The following PRKAR1B variants were observed in gnomAD, a reference collection of about 807,000 sequenced individuals.
PRKAR1B encodes protein kinase cAMP-dependent type I regulatory subunit beta.
PRKAR1B carries 22 observed loss-of-function variants against 46.5 expected under a neutral mutation model. The ratio of observed to expected loss-of-function variants is 0.47; its 90% CI spans 0.34 to 0.68. The LOEUF is 0.68. PRKAR1B is among the 30% of genes least tolerant of loss of function. PRKAR1B has a pLI of 0.01. For synonymous variants in PRKAR1B, 259 were observed against 217.7 expected (o/e 1.19, Z -1.67); for missense variants, 445 against 535.6 (o/e 0.83, Z 1.67).
intron 4 of PRKAR1B, among the ~76,000 whole-genome samples, chr7:613,422 A>G (rs1476130955): frequency 2.0e-5 from 3 of 152,154 alleles, no homozygotes; most frequent in African/African-American, 7.2e-5. Context: ...CAAAATGTAG[A>G]CTTTAAAACA....
At chr7:678,034 G>T (rs1778433326) in intron 3 of PRKAR1B, among the ~76,000 whole-genome samples, 1 of 152,178 alleles carries the variant, frequency 6.6e-6, no homozygotes, top group South Asian at 2.1e-4. Flanking sequence ...ACTTTGAGAG[G>T]CCGAGGCAGG....
chr7:624,501 G>A (rs995967525), intron 4 of PRKAR1B, among the ~76,000 whole-genome samples: 7 of 152,100 alleles, frequency 4.6e-5, no homozygotes, highest in Non-Finnish European at 7.4e-5. Context: ...CTCTATAGAA[G>A]CAATTTTTAA....
intron 4 of PRKAR1B, among the ~76,000 whole-genome samples, chr7:627,099 T>C (rs1366239720): frequency 6.6e-6 from 1 of 152,198 alleles, no homozygotes; most frequent in Admixed American, 6.5e-5. Flanking sequence ...GGTCTCAATC[T>C]CTTGACCTCG....
At chr7:680,177 A>G (rs1314309149) in intron 3 of PRKAR1B, among the ~76,000 whole-genome samples, 85 of 148,016 alleles carry the variant, frequency 5.7e-4, no homozygotes, top group Admixed American at 1.6e-3. Context: ...AAAAAAAAAA[A>G]AGAGAGAGAC....
chr7:671,183 C>T (rs1249515668), intron 4 of PRKAR1B, among the ~76,000 whole-genome samples: 2 of 152,106 alleles, frequency 1.3e-5, no homozygotes, highest in Non-Finnish European at 2.9e-5. Flanking sequence ...CTCCGTCCCT[C>T]CGTTGCCTTC....
intron 3 of PRKAR1B, among the ~76,000 whole-genome samples, chr7:680,125 T>C (rs1778577399): frequency 7.3e-6 from 1 of 137,906 alleles, no homozygotes; most frequent in Non-Finnish European, 1.5e-5. Flanking sequence ...ACCACTGCAC[T>C]CCAGCCTGGG....
intron 6 of PRKAR1B, among the ~76,000 whole-genome samples, chr7:600,803 C>T (rs1781545994): frequency 1.3e-5 from 2 of 152,220 alleles, no homozygotes; most frequent in South Asian, 2.1e-4. Context: ...AAGGGAGCTA[C>T]GTTCCCAGGC....
intron 4 of PRKAR1B, among the ~76,000 whole-genome samples, chr7:613,200 G>A (rs990925606): frequency 6.6e-6 from 1 of 151,486 alleles, no homozygotes; most frequent in South Asian, 2.1e-4. Context: ...GAGAGGGGGT[G>A]GGGTTGGGGT....
At chr7:650,140 G>C (rs1047126309) in intron 4 of PRKAR1B, among the ~76,000 whole-genome samples, 3 of 152,132 alleles carry the variant, frequency 2.0e-5, no homozygotes, top group African/African-American at 7.2e-5. Context: ...TTTATAAGAA[G>C]CATCTGGCCA....
intron 2 of PRKAR1B, among the ~76,000 whole-genome samples, chr7:698,955 G>A (rs1344748857): frequency 6.6e-6 from 1 of 152,226 alleles, no homozygotes; most frequent in South Asian, 2.1e-4. Context: ...CTGGAGGGCA[G>A]CACCCCAGCT....
chr7:582,366 C>T (rs1277211797), intron 8 of PRKAR1B, among the ~76,000 whole-genome samples: 3 of 152,282 alleles, frequency 2.0e-5, no homozygotes, highest in Non-Finnish European at 4.4e-5. Context: ...CCCACGGCTT[C>T]AGGCTCATCC....
chr7:621,496 C>A (rs1783106079), intron 4 of PRKAR1B, among the ~76,000 whole-genome samples: 1 of 152,234 alleles, frequency 6.6e-6, no homozygotes, highest in Non-Finnish European at 1.5e-5. Context: ...ATTCAGCTCA[C>A]CCCCACTTTG....
intron 1 of PRKAR1B, among the ~76,000 whole-genome samples, chr7:718,790 T>C (rs550961494): frequency 1.4e-4 from 21 of 152,096 alleles, no homozygotes; most frequent in African/African-American, 5.1e-4. Context: ...TCCATATCCC[T>C]GACCTTTTCT....
chr7:670,120 G>A (rs1412637457), intron 4 of PRKAR1B, among the ~76,000 whole-genome samples: 4 of 151,632 alleles, frequency 2.6e-5, no homozygotes, highest in African/African-American at 7.3e-5. Flanking sequence ...CACCCGCCTC[G>A]GCCTCCCAAA....
At chr7:682,983 C>T (rs1583412618) in intron 2 of PRKAR1B, among the ~76,000 whole-genome samples, 1 of 152,310 alleles carries the variant, frequency 6.6e-6, no homozygotes, top group East Asian at 1.9e-4. Context: ...CCTGCCGGTC[C>T]TCTGAGGGCT....
chr7:551,911 G>A (rs1358508654), intron 9 of PRKAR1B, among the ~76,000 whole-genome samples: 1 of 102,140 alleles, frequency 9.8e-6, no homozygotes, highest in African/African-American at 4.2e-5. Context: ...CAGAGCCACT[G>A]CCACCACCAC....
intron 4 of PRKAR1B, among the ~76,000 whole-genome samples, chr7:639,637 G>A (rs530519486): frequency 9.9e-5 from 15 of 152,188 alleles, no homozygotes; most frequent in Admixed American, 7.9e-4. Context: ...ATGGCTTGAG[G>A]CCAGGAGCTC....
chr7:552,351 G>A (rs1376706682), intron 9 of PRKAR1B, among the ~76,000 whole-genome samples: 1 of 80,626 alleles, frequency 1.2e-5, no homozygotes, highest in Non-Finnish European at 2.3e-5. Flanking sequence ...CCACCACCAC[G>A]TCACCACCCA....
intron 7 of PRKAR1B, among the ~76,000 whole-genome samples, chr7:589,815 C>T (rs560393345): frequency 6.6e-6 from 1 of 152,338 alleles, no homozygotes; most frequent in East Asian, 1.9e-4. Flanking sequence ...CATGCTGCAC[C>T]CTCACGTGAG....
Sources: allele counts gnomAD v4.1 joint callset (sites outside exome capture counted in the v4.1 genomes callset), GRCh38; gene constraint gnomAD v4.1.1; transcripts MANE v1.5; gene names NCBI Gene and HGNC (gene_info 2026-07-23, HGNC 2026-07-21).